MST1: variants seen among roughly 807,000 people sequenced by gnomAD.
MST1 encodes the protein macrophage stimulating 1.
MST1 carries 76 observed loss-of-function variants against 100.1 expected under a neutral mutation model. The ratio of observed to expected loss-of-function variants is 0.76; its 90% confidence interval spans 0.63 to 0.92. The LOEUF (loss-of-function observed/expected upper bound fraction) is 0.92. Ranked by LOEUF, MST1 falls within the 40% of genes least tolerant of loss-of-function variation. MST1 has a pLI of 0.00. For synonymous variants in MST1, 352 were observed against 385.4 expected, an observed-to-expected ratio of 0.91 and a Z score of 1.01; for missense variants, 850 against 990.0, an observed-to-expected ratio of 0.86 and a Z score of 1.90.
At position 49,686,293 on chromosome 3, in the gene MST1, G is replaced by A. The variant is rs868329582; in HGVS notation, c.1016+20C>T. On this transcript the variant is annotated intron_variant, in intron 8 of 17. Coordinates refer to ENST00000449682, the MANE Select transcript of MST1 (RefSeq NM_020998.4). ...CCCGCAGCAGCACGTCCCAACGCCC[G>A]CCCCCCCCCCCCACCTCACTTGCAC... 56 of 1,237,258 alleles carry A rather than the reference G, an allele frequency of 4.5e-5. No individual in the cohort carries two copies. The highest frequency in any genetic ancestry group is 2.8e-4 in the Middle Eastern group (1 of 3,586). The allele number at this position is 1,237,258 out of a possible 1,614,324, so 76.6% of individuals were successfully genotyped here.
chr3:49,687,307 A>C, intron 4 of MST1, 22 bp from the exon 5 acceptor site: 1 of 1,613,450 alleles, frequency 6.2e-7, no homozygotes, highest in South Asian at 1.1e-5. Context: ...GAGCATCACT[A>C]TAGTGTGTGC....
rs1450515129 is a variant in MST1, at chr3:49,684,623, G to A, written c.1803C>T (p.Ile601=). 1 of 1,613,804 alleles carries A rather than the reference G, an allele frequency of 6.2e-7. No individual in the cohort carries two copies. Among genetic ancestry groups the A allele is most frequent in the East Asian group, 2.2e-5 (1 of 44,884 alleles). The change falls in exon 16 of 18, where the codon ATC becomes ATT. Residue 601 remains isoleucine, a synonymous_variant. Coordinates refer to ENST00000449682, the MANE Select transcript of MST1 (RefSeq NM_020998.4). Reference sequence around the variant, plus strand: ...CCACATACCATTCAGGGGGCAGGCAGATCAGGGCCACACGCTGGTTCAGGG... The same window carrying A: ...CCACATACCATTCAGGGGGCAGGCAAATCAGGGCCACACGCTGGTTCAGGG... ...SVTLNQRVAL[I]CLPPEWYVVP... is the part of the protein sequence containing the mutation.
chr3:49,686,161 C>T lies in MST1; in HGVS notation c.1048G>A (p.Asp350Asn). 6.2e-7 allele frequency: 1 copy of T among 1,611,554 alleles called. No homozygotes were observed. Residue 350 changes from aspartate (D) to asparagine (N), a missense_variant, in exon 9 of 18, where the codon GAC (aspartate) becomes AAC (asparagine). By Grantham distance (23) the Asp-to-Asn change is conservative. This residue lies in a region of MST1 where 816 missense variants were observed against 924.6 expected (regional missense o/e 0.88). Coordinates refer to ENST00000449682, the MANE Select transcript of MST1 (RefSeq NM_020998.4). ...AAGCACCAGGGCGCCTCTGAGCCGT[C>T]GGGGTTCCGGCAGAAGTTCTCCCGA... The part of the protein sequence containing the change: ...DLRENFCRNP[D>N]GSEAPWCFTL...
chr3:49,684,869 C>T lies in MST1; in HGVS notation c.1638G>A (p.Thr546=), dbSNP rs766656668. The change falls in exon 15 of 18, where the codon ACG becomes ACA. Residue 546 remains threonine, a synonymous_variant. Coordinates refer to ENST00000449682, the MANE Select transcript of MST1 (RefSeq NM_020998.4). ...GGGTGCCCAACCATACCTCATAGCC[C>T]GTGAGAGGCATATGGCTGGGAGAGA... ...QCFSSCHMPL[T]GYEVWLGTLF... is the part of the protein sequence containing the mutation. 16 of 1,613,396 alleles carry T rather than the reference C, an allele frequency of 9.9e-6. No homozygotes were observed. Among genetic ancestry groups the T allele is most frequent in the East Asian group, 6.7e-5 (3 of 44,896 alleles).
chr3:49,685,821 G>A, intron 10 of MST1, 39 bp downstream of exon 10: 2 of 1,612,548 alleles, frequency 1.2e-6, no homozygotes, highest in Middle Eastern at 1.7e-4. Flanking sequence ...CCGCCCCAGG[G>A]TTAGGGCCCT....
chr3:49,684,610 C>G lies in MST1; in HGVS notation c.1816G>C (p.Glu606Gln). ...GTCCCTGGAGGCACCACATACCATTCAGGGGGCAGGCAGATCAGGGCCACA... is the reference window on the plus strand; with the variant it reads ...GTCCCTGGAGGCACCACATACCATTGAGGGGGCAGGCAGATCAGGGCCACA... ...QRVALICLPP[E>Q]WYVVPPGTKC... The change falls in exon 16 of 18, where the codon GAA becomes CAA. Residue 606 changes from glutamate to glutamine, a missense_variant. By Grantham distance (29) the Glu-to-Gln change is conservative. This residue lies in a region of MST1 where 816 missense variants were observed against 924.6 expected (regional missense o/e 0.88). Transcript: ENST00000449682. 1 of 1,613,828 alleles carries G rather than the reference C, an allele frequency of 6.2e-7. No individual in the cohort carries two copies. Among genetic ancestry groups the G allele is most frequent in the South Asian group, 1.1e-5 (1 of 91,084 alleles).
Position 49,684,549 on chromosome 3 carries a change from C to A in MST1, c.1876+1G>T, listed in dbSNP as rs754081092. On this transcript the variant is annotated splice_donor_variant, in intron 16 of 17. Transcript: ENST00000449682. LOFTEE classifies it high-confidence loss of function. ...AGCAGTCCTGTGCACTGTGCTCTTACCTTTGGTCTCACCCCAGCCTGCAAT... is the reference window on the plus strand; with the variant it reads ...AGCAGTCCTGTGCACTGTGCTCTTAACTTTGGTCTCACCCCAGCCTGCAAT... The A allele has an allele frequency of 3.7e-6, 6 of 1,613,722 alleles. No homozygotes were observed. The highest frequency in any genetic ancestry group is 5.1e-6 in the Non-Finnish European group (6 of 1,179,866).
Position 49,686,177 on chromosome 3 carries a change from G to A in MST1, c.1032C>T (p.Asn344=), listed in dbSNP as rs770157649. 6.2e-7 allele frequency: 1 copy of A among 1,611,374 alleles called. No homozygotes were observed. Among genetic ancestry groups the A allele is most frequent in the African/African-American group, 1.3e-5 (1 of 74,770 alleles). Residue 344 remains asparagine, a synonymous_variant, in exon 9 of 18, where the codon AAC becomes AAT. Transcript: ENST00000449682. Reference sequence around the variant, plus strand: ...CTGAGCCGTCGGGGTTCCGGCAGAAGTTCTCCCGAAGGTCTCTAAGCAGGC... The same window carrying A: ...CTGAGCCGTCGGGGTTCCGGCAGAAATTCTCCCGAAGGTCTCTAAGCAGGC... The part of the protein sequence containing the change: ...EKYACKDLRE[N]FCRNPDGSEA...
Position 49,686,640 on chromosome 3 carries a change from C to T in MST1, c.847+44G>A, listed in dbSNP as rs553416150. 885 of 1,549,114 alleles carry T rather than the reference C, an allele frequency of 5.7e-4. 4 individuals carry two copies. In the African/African-American group the frequency reaches 0.01, roughly 18 times the overall value. The stretch of plus-strand genomic sequence containing the variant: ...TCCCCGGCCAAGCCACGCCCCTCCC[C>T]AAGGTTCCCAGGTACCCTCCCAGGC... On this transcript the variant is annotated intron_variant, in intron 7 of 17. Transcript: ENST00000449682.
intron 8 of MST1, 31 bp from the exon 9 acceptor site, chr3:49,686,223 G>T (rs776063231): frequency 1.9e-6 from 3 of 1,605,308 alleles, no homozygotes; most frequent in Non-Finnish European, 2.5e-6. Flanking sequence ...GCCCTAGCCC[G>T]CCAGCCTCCA....
intron 16 of MST1, 48 bp from the exon 17 acceptor site, chr3:49,684,501 C>A (rs2053517938): frequency 6.2e-7 from 1 of 1,613,522 alleles, no homozygotes; most frequent in Non-Finnish European, 8.5e-7. Context: ...CAGGAAGATC[C>A]AGGGCTGGGC....
At position 49,687,290 on chromosome 3, in the gene MST1, G is replaced by T. The variant is rs766022694; in HGVS notation, c.471-5C>A. The T allele has an allele frequency of 6.2e-7, 1 of 1,613,518 alleles. No individual in the cohort carries two copies. The highest frequency in any genetic ancestry group is 8.5e-7 in the Non-Finnish European group (1 of 1,179,870). ...TTCCGGAGAGTGGGCGTGTACCTGA[G>T]GGCCCAGAGCATCACTATAGTGTGT... On this transcript the variant is annotated splice_region_variant and splice_polypyrimidine_tract_variant and intron_variant, in intron 4 of 17. Transcript: ENST00000449682.
Position 49,687,136 on chromosome 3 carries a change from C to T in MST1, c.607+13G>A, listed in dbSNP as rs1335440535. On this transcript the variant is annotated intron_variant, in intron 5 of 17. Transcript: ENST00000449682. The stretch of plus-strand genomic sequence containing the variant: ...GTCCCTCCACTCTCCCAGCTTGACC[C>T]GGCGCCGCTTACCCTCCCGGCAGGA... 5.6e-6 allele frequency: 9 copies of T among 1,612,912 alleles called. No individual in the cohort carries two copies. In the Admixed American group the frequency reaches 8.3e-5, roughly 15 times the overall value.
chr3:49,685,468 A>T lies in MST1; in HGVS notation c.1423+3T>A. On this transcript the variant is annotated splice_donor_region_variant and intron_variant, in intron 12 of 17. Transcript: ENST00000449682. Reference sequence around the variant, plus strand: ...CTGACCCATAACTGGCCCAACTCCTAACCTGGGGGGTCCAGGATTGATGGC... The same window carrying T: ...CTGACCCATAACTGGCCCAACTCCTTACCTGGGGGGTCCAGGATTGATGGC... 6.2e-7 allele frequency: 1 copy of T among 1,613,676 alleles called. No individual in the cohort carries two copies. Among genetic ancestry groups the T allele is most frequent in the Non-Finnish European group, 8.5e-7 (1 of 1,179,866 alleles).
rs761722198 is a variant in MST1 at position 49,685,955 on chromosome 3, G to A, written c.1155C>T (p.Tyr385=). 5 of 1,609,642 alleles carry A rather than the reference G, an allele frequency of 3.1e-6. No homozygotes were observed. The highest frequency in any genetic ancestry group is 4.2e-6 in the Non-Finnish European group (5 of 1,179,130). Residue 385 remains tyrosine, a synonymous_variant, in exon 10 of 18, where the codon TAC becomes TAT. Transcript: ENST00000449682. ...CGCGGTACTGCTCCCCTGCGCCGTG[G>A]TAGCAGTCTGTGGCGGGTGCGGGCA... ...CTDDVRPQDC[Y]HGAGEQYRGT... is the part of the protein sequence containing the mutation.
rs1310863222 is a variant in MST1, at chr3:49,685,920, C to T, written c.1190G>A (p.Ser397Asn). 13 of 1,609,088 alleles carry T rather than the reference C, an allele frequency of 8.1e-6. No homozygotes were observed. Among genetic ancestry groups the T allele is most frequent in the Non-Finnish European group, 8.5e-6 (10 of 1,179,164 alleles). The stretch of plus-strand genomic sequence containing the variant: ...GCACTGGACACCCTTGCGGGTCTTG[C>T]TGACCGTGCCGCGGTACTGCTCCCC... ...GAGEQYRGTVSKTRKGVQCQR... is the reference protein window; with the variant it reads ...GAGEQYRGTVNKTRKGVQCQR... Residue 397 changes from serine to asparagine, a missense_variant, in exon 10 of 18, where the codon AGC (serine) becomes AAC (asparagine). Around this residue, in one of 2 missense-constraint regions of MST1, gnomAD observed 816 missense variants for 924.6 expected, o/e 0.88. Coordinates refer to ENST00000449682, the MANE Select transcript of MST1 (RefSeq NM_020998.4).
rs1223861951 is a variant in MST1 at position 49,687,237 on chromosome 3, G to T, written c.519C>A (p.Asn173Lys). The change falls in exon 5 of 18, where the codon AAC becomes AAA. Residue 173 changes from asparagine to lysine, a missense_variant. Physicochemically the swap from Asn to Lys is moderately conservative, Grantham distance 94 (BLOSUM62 0). Transcript: ENST00000449682. ...RNGLEENFCR[N>K]PDGDPGGPWC... ...AAGGACCTCCGGGGTCGCCATCAGG[G>T]TTACGGCAGAAGTTCTCTTCCAGGC... is the stretch of plus-strand genomic sequence containing the variant. The T allele has an allele frequency of 3.1e-6, 5 of 1,613,520 alleles. No individual in the cohort carries two copies. The highest frequency in any genetic ancestry group is 3.4e-6 in the Non-Finnish European group (4 of 1,179,878).
chr3:49,685,284 A>G lies in MST1; in HGVS notation c.1522T>C (p.Trp508Arg). The change falls in exon 13 of 18, where the codon TGG becomes CGG. Residue 508 changes from tryptophan to arginine, a missense_variant. By Grantham distance (101) the Trp-to-Arg change is moderately radical. Coordinates refer to ENST00000449682, the MANE Select transcript of MST1 (RefSeq NM_020998.4). ...CACCGATTCCGCAAGCTGACTGTCCAGGGTGAGTTGCCCGGATGGCCCCCA... is the reference window on the plus strand; with the variant it reads ...CACCGATTCCGCAAGCTGACTGTCCGGGGTGAGTTGCCCGGATGGCCCCCA... ...VVGGHPGNSP[W>R]TVSLRNRQGQ... 3 of 1,613,420 alleles carry G rather than the reference A, an allele frequency of 1.9e-6. No homozygotes were observed. Among genetic ancestry groups the G allele is most frequent in the Non-Finnish European group, 2.5e-6 (3 of 1,179,844 alleles).
At position 49,684,753 on chromosome 3, in the gene MST1, A is replaced by G. The variant is rs1302511480; in HGVS notation, c.1754T>C (p.Leu585Pro). 6.2e-7 allele frequency: 1 copy of G among 1,613,500 alleles called. No individual in the cohort carries two copies. The highest frequency in any genetic ancestry group is 2.2e-5 in the East Asian group (1 of 44,882). Residue 585 changes from leucine to proline, a missense_variant, in exon 15 of 18, where the codon CTG (leucine) becomes CCG (proline). Leu to Pro is a moderately conservative substitution (Grantham distance 98). Around this residue, in one of 2 missense-constraint regions of MST1, gnomAD observed 816 missense variants for 924.6 expected, o/e 0.88. Transcript: ENST00000449682. ...GTCCACATACCTCTCCAGCTTGAGC[A>G]GGACAAGCTGGGAGCCTGAGGGCCC... is the stretch of plus-strand genomic sequence containing the variant. The part of the protein sequence containing the change: ...VCGPSGSQLV[L>P]LKLERSVTLN...
Sources: allele counts gnomAD v4.1 joint callset, GRCh38; gene constraint gnomAD v4.1.1; regional missense constraint gnomAD v4.1.1; transcripts MANE v1.5; gene names NCBI Gene and HGNC (gene_info 2026-07-23, HGNC 2026-07-21).